Variants in DLG2 observed in about 807,000 individuals in gnomAD.
DLG2 encodes the protein discs large MAGUK scaffold protein 2.
DLG2 carries 45 observed loss-of-function variants against 132.5 expected under a neutral mutation model. The observed-to-expected ratio is 0.34, with a 90% CI of 0.27 to 0.44. DLG2 has a LOEUF of 0.44. Among genes scored for constraint, DLG2 ranks in the 20% least tolerant of loss-of-function variants. DLG2 has a pLI of 1.00. For missense variants in DLG2, 1,045 were observed against 1,196.9 expected, an observed-to-expected ratio of 0.87 and a Z score of 1.87; for synonymous variants, 424 against 419.6, an observed-to-expected ratio of 1.01 and a Z score of -0.13.
intron 7 of DLG2, among the ~76,000 whole-genome samples, chr11:84,413,192 G>A (rs1410832668): frequency 6.6e-6 from 1 of 152,118 alleles, no homozygotes; most frequent in East Asian, 1.9e-4. Context: ...CACATCCAGA[G>A]CCCACCTAGG....
At chr11:84,041,442 ACCT>A (rs1166052177) in intron 11 of DLG2, among the ~76,000 whole-genome samples, 2 of 151,892 alleles carry the variant, frequency 1.3e-5, no homozygotes, top group African/African-American at 4.8e-5. Context: ...CTTTTACCAC[ACCT>A]CCTAACACAG....
chr11:84,187,831 T>A (rs2096310730), intron 8 of DLG2, among the ~76,000 whole-genome samples: 1 of 152,090 alleles, frequency 6.6e-6, no homozygotes, highest in Non-Finnish European at 1.5e-5. Flanking sequence ...GGCTAATTTA[T>A]CTGACTGCTT....
rs1555141443 is a variant in DLG2, at chr11:85,464,007, C to CACACACACACACACACAT, written c.40+134649_40+134650insATGTGTGTGTGTGTGTGT. Among the ~76,000 whole-genome samples the CACACACACACACACACAT allele has an allele frequency of 7.4e-5, 11 of 149,146 alleles. No individual in the cohort carries two copies. In the East Asian group the frequency reaches 7.9e-4, roughly 11 times the overall value. On this transcript the variant is annotated intron_variant, in intron 3 of 27. Coordinates refer to ENST00000376104, the MANE Select transcript of DLG2 (RefSeq NM_001142699.3). ...ATACATGTACACACACACACACATA[C>CACACACACACACACACAT]ACACACACACACACACGCCCCCCGA...
At chr11:83,547,679 G>A (rs1228151552) in intron 19 of DLG2, among the ~76,000 whole-genome samples, 5 of 152,124 alleles carry the variant, frequency 3.3e-5, no homozygotes, top group Admixed American at 6.6e-5. Flanking sequence ...CTCTAGAAGG[G>A]TTACAGACTG....
chr11:83,881,974 T>C (rs1047611105), intron 15 of DLG2, among the ~76,000 whole-genome samples: 2 of 152,058 alleles, frequency 1.3e-5, no homozygotes, highest in Non-Finnish European at 2.9e-5. Context: ...AGAGATAAGA[T>C]CAAAAAATAT....
intron 3 of DLG2, among the ~76,000 whole-genome samples, chr11:85,292,590 A>G (rs2078959955): frequency 6.9e-6 from 1 of 144,022 alleles, no homozygotes; most frequent in Admixed American, 7.1e-5. Context: ...TTCTGATATG[A>G]TTGGGCTTCT....
intron 7 of DLG2, among the ~76,000 whole-genome samples, chr11:84,484,416 A>G (rs2099145792): frequency 6.6e-6 from 1 of 152,150 alleles, no homozygotes; most frequent in South Asian, 2.1e-4. Flanking sequence ...CTTAGAATTT[A>G]AGGATACTGA....
intron 6 of DLG2, among the ~76,000 whole-genome samples, chr11:84,541,038 T>C (rs886881154): frequency 6.6e-6 from 1 of 151,876 alleles, no homozygotes; most frequent in Non-Finnish European, 1.5e-5. Context: ...CCGGGACCTG[T>C]CATGTGGTGG....
intron 8 of DLG2, among the ~76,000 whole-genome samples, chr11:84,235,554 A>AG (rs2097147442): frequency 6.6e-6 from 1 of 151,964 alleles, no homozygotes. Context: ...AAAAAAAAAA[A>AG]TCTCTTCCCA....
intron 7 of DLG2, among the ~76,000 whole-genome samples, chr11:84,505,032 G>T (rs2099234831): frequency 6.6e-6 from 1 of 152,050 alleles, no homozygotes; most frequent in South Asian, 2.1e-4. Flanking sequence ...AATTGCCAAT[G>T]GATAGGAGCA....
chr11:84,814,539 C>T (rs1029404818), intron 6 of DLG2, among the ~76,000 whole-genome samples: 1 of 152,006 alleles, frequency 6.6e-6, no homozygotes, highest in African/African-American at 2.4e-5. Context: ...GCCTTCCAGC[C>T]CCCACTGTTA....
intron 6 of DLG2, among the ~76,000 whole-genome samples, chr11:85,073,451 CG>C (rs2066133697): frequency 6.6e-6 from 1 of 151,678 alleles, no homozygotes; most frequent in Admixed American, 6.6e-5. Context: ...ATCAGGATTG[CG>C]TAAGTAAATT....
chr11:85,083,552 T>C (rs2067521312), intron 6 of DLG2, among the ~76,000 whole-genome samples: 1 of 152,148 alleles, frequency 6.6e-6, no homozygotes, highest in Non-Finnish European at 1.5e-5. Flanking sequence ...TAGGGGAACA[T>C]GAGACATTAA....
intron 6 of DLG2, among the ~76,000 whole-genome samples, chr11:84,579,980 T>C (rs569911843): frequency 1.6e-4 from 25 of 152,256 alleles, no homozygotes; most frequent in Admixed American, 3.9e-4. Context: ...CCACTCACCA[T>C]GAAAGTGAGT....
At chr11:85,212,514 C>G (rs894163987) in intron 4 of DLG2, among the ~76,000 whole-genome samples, 1 of 152,034 alleles carries the variant, frequency 6.6e-6, no homozygotes, top group African/African-American at 2.4e-5. Context: ...GGAAAACAAC[C>G]ATTAATATTA....
At chr11:83,959,502 G>C (rs893554066) in intron 14 of DLG2, among the ~76,000 whole-genome samples, 8 of 152,038 alleles carry the variant, frequency 5.3e-5, no homozygotes, top group African/African-American at 1.9e-4. Context: ...TACAAAGTAG[G>C]TCTCAAACAT....
rs146467888 is a variant in DLG2 at position 85,522,328 on chromosome 11, A to C, written c.40+76329T>G. On this transcript the variant is annotated intron_variant, in intron 3 of 27. Coordinates refer to ENST00000376104, the MANE Select transcript of DLG2 (RefSeq NM_001142699.3). ...AACCTCTCCCTAGGTTTCAGAGGAC[A>C]TAAGGAAATGCTTGGATGTCCAGGT... 5.3e-3 allele frequency among the ~76,000 whole-genome samples: 810 copies of C among 152,328 alleles called. 9 individuals carry two copies. The highest frequency in any genetic ancestry group is 0.018 in the African/African-American group (752 of 41,578).
intron 21 of DLG2, among the ~76,000 whole-genome samples, chr11:83,487,711 C>G (rs2093605601): frequency 6.6e-6 from 1 of 151,996 alleles, no homozygotes; most frequent in South Asian, 2.1e-4. Context: ...CTATTGGATT[C>G]AACAACATCA....
intron 3 of DLG2, among the ~76,000 whole-genome samples, chr11:85,357,022 T>C (rs781727083): frequency 5.5e-5 from 8 of 145,066 alleles, no homozygotes; most frequent in Non-Finnish European, 1.1e-4. Flanking sequence ...TATTTGGCAA[T>C]TTACAGAACT....
Sources: gnomAD v4.1 joint callset for allele counts (sites outside exome capture counted in the v4.1 genomes callset) on GRCh38, gnomAD v4.1.1 for gene constraint, MANE v1.5 for transcripts, NCBI Gene and HGNC (gene_info 2026-07-23, HGNC 2026-07-21) for gene names.